The following SRGAP3 variants were observed in gnomAD, a reference collection of about 807,000 sequenced individuals.
SRGAP3 encodes SLIT-ROBO Rho GTPase-activating protein 3.
SRGAP3 carries 39 observed loss-of-function variants against 121.1 expected under a neutral mutation model. The ratio of observed to expected loss-of-function variants is 0.32; its 90% CI spans 0.25 to 0.42. The LOEUF is 0.42. Among genes scored for constraint, SRGAP3 ranks in the 10% least tolerant of loss-of-function variants. The pLI is 1.00. For synonymous variants in SRGAP3, 601 were observed against 570.0 expected (o/e 1.05, Z -0.77); for missense variants, 1,213 against 1,470.6 (o/e 0.82, Z 2.86).
At chr3:9,349,411 C>T (rs1347433276) in intron 1 of SRGAP3, among the ~76,000 whole-genome samples, 1 of 152,234 alleles carries the variant, frequency 6.6e-6, no homozygotes, top group East Asian at 1.9e-4. Context: ...TAGGGCAAGG[C>T]TTCTCAGCCC....
At chr3:9,149,128 C>T (rs1027057267) in intron 1 of SRGAP3, among the ~76,000 whole-genome samples, 5 of 150,796 alleles carry the variant, frequency 3.3e-5, no homozygotes, top group Non-Finnish European at 5.9e-5. Flanking sequence ...GCAGGAGAAT[C>T]GCTTGAAGCC....
intron 1 of SRGAP3, chr3:9,216,816 G>C (rs1272745635): frequency 6.6e-6 from 1 of 152,588 alleles, no homozygotes. Flanking sequence ...CGCATACAAT[G>C]GGATATTACT....
intron 1 of SRGAP3, among the ~76,000 whole-genome samples, chr3:9,235,266 C>T (rs561286547): frequency 6.6e-6 from 1 of 152,196 alleles, no homozygotes; most frequent in Non-Finnish European, 1.5e-5. Context: ...ATTTTTATAA[C>T]TCTGCCTTAA....
chr3:8,993,187 A>G (rs1942172730), intron 19 of SRGAP3, 132 bp from the exon 20 acceptor site: 1 of 1,427,830 alleles, frequency 7.0e-7, no homozygotes, highest in Middle Eastern at 2.3e-4. Context: ...AGCGCTTGCT[A>G]GGCCACTGCC....
intron 3 of SRGAP3, among the ~76,000 whole-genome samples, chr3:9,255,625 T>TTG (rs1954115123): frequency 6.6e-6 from 1 of 152,114 alleles, no homozygotes; most frequent in South Asian, 2.1e-4. Context: ...AGAGTGGGCT[T>TTG]GCCCTGGCAC....
chr3:9,124,954 G>C, intron 1 of SRGAP3, 37 bp from the exon 2 acceptor site: 1 of 1,612,356 alleles, frequency 6.2e-7, no homozygotes, highest in Non-Finnish European at 8.5e-7. Context: ...GAGACTGGTG[G>C]TGGGGACGGG....
intron 1 of SRGAP3, among the ~76,000 whole-genome samples, chr3:9,154,325 G>A (rs920415194): frequency 2.6e-5 from 4 of 151,976 alleles, no homozygotes; most frequent in Non-Finnish European, 5.9e-5. Context: ...GAGGTAAGAC[G>A]CTAAACAACG....
intron 1 of SRGAP3, chr3:9,236,170 T>C (rs1953402339): frequency 5.7e-6 from 1 of 174,994 alleles, no homozygotes. Context: ...TTGCACATGC[T>C]GTCTTCTCTT....
At chr3:9,024,521 C>T (rs534390839) in intron 14 of SRGAP3, among the ~76,000 whole-genome samples, 2 of 152,332 alleles carry the variant, frequency 1.3e-5, no homozygotes, top group South Asian at 2.1e-4. Flanking sequence ...TGAGTCCTTA[C>T]TTGGCTTGGA....
intron 5 of SRGAP3, among the ~76,000 whole-genome samples, chr3:9,063,429 C>T (rs928953321): frequency 6.6e-6 from 1 of 151,958 alleles, no homozygotes; most frequent in Non-Finnish European, 1.5e-5. Context: ...ATGCCTGGCC[C>T]AGACAATCTT....
chr3:9,109,259 A>G lies in SRGAP3; in HGVS notation c.261-4417T>C, dbSNP rs983387894. Among the ~76,000 whole-genome samples, 1 of 152,188 alleles carries G rather than the reference A, an allele frequency of 6.6e-6. No individual in the cohort carries two copies. ...GAGTTTCAGAGGGAAGGAAAAAGAC[A>G]ACTGATCTGGAACTGATGGGGAATT... On this transcript the variant is annotated intron_variant, in intron 2 of 21. Transcript: ENST00000383836. The surrounding 1 kb of genome is among the most constrained non-coding windows in gnomAD (Gnocchi z 4.4).
At chr3:9,110,322 G>C (rs1435559186) in intron 2 of SRGAP3, among the ~76,000 whole-genome samples, 1 of 152,130 alleles carries the variant, frequency 6.6e-6, no homozygotes, top group African/African-American at 2.4e-5. Context: ...TGATGAGTTC[G>C]AGTCGAACAC....
chr3:9,131,350 G>C (rs1949437092), intron 1 of SRGAP3, among the ~76,000 whole-genome samples: 1 of 151,852 alleles, frequency 6.6e-6, no homozygotes, highest in Admixed American at 6.6e-5. Context: ...ACACCTGAAA[G>C]CTGAAGATGA....
At chr3:8,987,690 G>A (rs1204025653) in intron 21 of SRGAP3, among the ~76,000 whole-genome samples, 1 of 123,602 alleles carries the variant, frequency 8.1e-6, no homozygotes, top group Non-Finnish European at 1.5e-5. Context: ...TAGCTTGTAC[G>A]CTTCTCCAGG....
intron 3 of SRGAP3, among the ~76,000 whole-genome samples, chr3:9,103,913 C>G (rs1948314554): frequency 6.6e-6 from 1 of 152,190 alleles, no homozygotes; most frequent in Admixed American, 6.5e-5. Context: ...ATAAGGTACA[C>G]TGTCAAAAGC....
chr3:9,038,022 C>T (rs560755935), intron 11 of SRGAP3, 41 bp downstream of exon 11: 61 of 1,614,066 alleles, frequency 3.8e-5, no homozygotes, highest in African/African-American at 1.6e-4. Flanking sequence ...ACTCCCACCT[C>T]GGGCAGCAGA....
rs76504514 is a variant in SRGAP3 at position 9,044,946 on chromosome 3, T to C, written c.1408+2445A>G. 4.2e-3 allele frequency among the ~76,000 whole-genome samples: 645 copies of C among 152,308 alleles called. 20 individuals carry two copies. In the East Asian group the frequency reaches 0.066, roughly 16 times the overall value. ...ATCTACCTGTATCTTTATCGTGTAG[T>C]GGCTATATAAAAATGACTGGAGATT... On this transcript the variant is annotated intron_variant, in intron 10 of 21. Coordinates refer to ENST00000383836, the MANE Select transcript of SRGAP3 (RefSeq NM_014850.4).
chr3:9,282,354 G>A (rs13058967), intron 3 of SRGAP3, among the ~76,000 whole-genome samples: 32,220 of 152,068 alleles, frequency 0.21, 3,719 homozygotes, highest in African/African-American at 0.29. Context: ...AAAATTTAAG[G>A]AAATGTATAT....
At chr3:9,130,674 C>T (rs1479990797) in intron 1 of SRGAP3, among the ~76,000 whole-genome samples, 1 of 152,204 alleles carries the variant, frequency 6.6e-6, no homozygotes, top group Non-Finnish European at 1.5e-5. Flanking sequence ...CCTTGTTTTC[C>T]ATATTAAAAC....
Sources: gnomAD v4.1 joint callset for allele counts (sites outside exome capture counted in the v4.1 genomes callset) on GRCh38, gnomAD v4.1.1 for gene constraint, Gnocchi (gnomAD v3.1) non-coding constraint, MANE v1.5 for transcripts, NCBI Gene and HGNC (gene_info 2026-07-23, HGNC 2026-07-21) for gene names.